CUX1: variants seen among roughly 807,000 people sequenced by gnomAD.
CUX1 encodes protein CASP.
CUX1 carries 31 observed loss-of-function variants against 158.8 expected under a neutral mutation model. The observed-to-expected ratio is 0.20, with a 90% CI of 0.15 to 0.26. The LOEUF (loss-of-function observed/expected upper bound fraction) is 0.26, where lower values mean the gene tolerates loss of function less well. Among genes scored for constraint, CUX1 ranks in the 10% least tolerant of loss-of-function variants. The pLI is 1.00. For synonymous variants in CUX1, 879 were observed against 862.1 expected (o/e 1.02, Z -0.34); for missense variants, 1,589 against 2,014.6 (o/e 0.79, Z 4.04).
chr7:101,922,772 G>A (rs1805103836), intron 2 of CUX1, among the ~76,000 whole-genome samples: 1 of 152,202 alleles, frequency 6.6e-6, no homozygotes, highest in South Asian at 2.1e-4. Flanking sequence ...GCTGGGGAGT[G>A]GGAGATGGGT....
chr7:102,232,481 C>T (rs1031478331), intron 21 of CUX1, among the ~76,000 whole-genome samples: 3 of 152,278 alleles, frequency 2.0e-5, no homozygotes, highest in Non-Finnish European at 2.9e-5. Flanking sequence ...AGCCCTCTGT[C>T]GTCTCCCTGC....
At chr7:101,970,364 G>T (rs1349375835) in intron 2 of CUX1, among the ~76,000 whole-genome samples, 1 of 151,964 alleles carries the variant, frequency 6.6e-6, no homozygotes, top group Non-Finnish European at 1.5e-5. Context: ...CTTGGCCCGG[G>T]GGTGCGTTGG....
At chr7:102,119,948 G>T (rs1831860481) in intron 8 of CUX1, among the ~76,000 whole-genome samples, 2 of 152,252 alleles carry the variant, frequency 1.3e-5, no homozygotes, top group South Asian at 4.1e-4. Flanking sequence ...CACCCTAATA[G>T]CCTTAACCTT....
intron 2 of CUX1, among the ~76,000 whole-genome samples, chr7:101,936,396 A>G (rs1806937937): frequency 6.6e-6 from 1 of 152,148 alleles, no homozygotes; most frequent in Admixed American, 6.5e-5. Context: ...CGTCATTTCC[A>G]GAGCGAGATG....
rs1205477430 is a variant in CUX1, at chr7:102,252,923, G to A, written c.*3881G>A. The A allele has an allele frequency of 3.0e-6, 3 of 985,470 alleles. No individual in the cohort carries two copies. The highest frequency in any genetic ancestry group is 3.6e-6 in the Non-Finnish European group (3 of 829,940). 61.0% of individuals were successfully genotyped at this position (985,470 alleles called of 1,614,324 possible). On this transcript the variant is annotated 3_prime_UTR_variant, in exon 24 of 24. Coordinates refer to ENST00000292535, the MANE Select transcript of CUX1 (RefSeq NM_181552.4). ...AGCTTCTAAGCGTCTCCTGGGACAG[G>A]ATTGGGGTGACAGCCCAGGGATGCA...
intron 2 of CUX1, among the ~76,000 whole-genome samples, chr7:101,996,964 A>G (rs1815991392): frequency 7.1e-6 from 1 of 141,454 alleles, no homozygotes; most frequent in Non-Finnish European, 1.5e-5. Flanking sequence ...CCTTCTGGGA[A>G]TCGCTCCCCT....
At chr7:102,162,180 G>A (rs1212350296) in intron 9 of CUX1, among the ~76,000 whole-genome samples, 2 of 152,154 alleles carry the variant, frequency 1.3e-5, no homozygotes, top group Admixed American at 6.5e-5. Context: ...TAGTTCTCAA[G>A]AGCCGACCAG....
intron 6 of CUX1, among the ~76,000 whole-genome samples, chr7:102,109,212 A>C (rs1402578218): frequency 2.6e-5 from 4 of 152,202 alleles, no homozygotes; most frequent in Non-Finnish European, 5.9e-5. Flanking sequence ...CAACAAACTG[A>C]AGAAATATTT....
intron 2 of CUX1, among the ~76,000 whole-genome samples, chr7:101,967,364 T>C (rs1811360573): frequency 6.6e-6 from 1 of 152,206 alleles, no homozygotes; most frequent in Admixed American, 6.5e-5. Flanking sequence ...AGTGTCTTTT[T>C]CAAAGACTAA....
At chr7:102,018,599 C>A (rs1227525537) in intron 2 of CUX1, among the ~76,000 whole-genome samples, 1 of 152,234 alleles carries the variant, frequency 6.6e-6, no homozygotes, top group East Asian at 1.9e-4. Flanking sequence ...CCTGAGGCCA[C>A]ACACAGGATC....
intron 2 of CUX1, among the ~76,000 whole-genome samples, chr7:101,959,086 C>G (rs1810132578): frequency 6.6e-6 from 1 of 151,898 alleles, no homozygotes; most frequent in African/African-American, 2.4e-5. Context: ...TCTCAAATTC[C>G]TGGGCTTAAG....
intron 1 of CUX1, among the ~76,000 whole-genome samples, chr7:101,888,172 A>G (rs938614538): frequency 1.3e-5 from 2 of 152,008 alleles, no homozygotes; most frequent in African/African-American, 4.8e-5. Flanking sequence ...CGTCTCTACT[A>G]AAAATACAAA....
intron 1 of CUX1, among the ~76,000 whole-genome samples, chr7:101,834,286 G>A (rs186802119): frequency 2.0e-3 from 272 of 136,256 alleles, no homozygotes; most frequent in African/African-American, 7.0e-3. Flanking sequence ...CGATTCTCCC[G>A]CCTCAGCCTC....
chr7:102,178,424 G>T, intron 10 of CUX1, 45 bp from the exon 11 acceptor site: 1 of 1,532,670 alleles, frequency 6.5e-7, no homozygotes, highest in Non-Finnish European at 8.9e-7. Flanking sequence ...TCGAGCACCC[G>T]CCTCAAGGCC....
chr7:101,876,290 A>G (rs1278355600), intron 1 of CUX1, among the ~76,000 whole-genome samples: 2 of 150,152 alleles, frequency 1.3e-5, no homozygotes, highest in Non-Finnish European at 3.0e-5. Context: ...GGTTGCAGTG[A>G]GCCGAGATGG....
At chr7:102,054,723 T>C (rs1409748810) in intron 3 of CUX1, among the ~76,000 whole-genome samples, 1 of 152,208 alleles carries the variant, frequency 6.6e-6, no homozygotes, top group Non-Finnish European at 1.5e-5. Flanking sequence ...ATTCTAACAC[T>C]TTGGGAGGCC....
At chr7:101,990,150 G>A (rs1814911690) in intron 2 of CUX1, among the ~76,000 whole-genome samples, 1 of 152,092 alleles carries the variant, frequency 6.6e-6, no homozygotes, top group Non-Finnish European at 1.5e-5. Flanking sequence ...CTTGAACCCG[G>A]GATTTTGAGA....
chr7:101,995,902 CA>C (rs1316256515), intron 2 of CUX1, among the ~76,000 whole-genome samples: 1 of 152,096 alleles, frequency 6.6e-6, no homozygotes, highest in East Asian at 1.9e-4. Flanking sequence ...CACCTGAGGT[CA>C]GGGGTCCAAG....
chr7:102,283,018 C>A, intron 22 of CUX1: 1 of 1,613,064 alleles, frequency 6.2e-7, no homozygotes, highest in Non-Finnish European at 8.5e-7. Context: ...CCGTGTCCCC[C>A]AGGTTCGCTG....
Sources: gnomAD v4.1 joint callset for allele counts (sites outside exome capture counted in the v4.1 genomes callset) on GRCh38, gnomAD v4.1.1 for gene constraint, MANE v1.5 for transcripts, NCBI Gene and HGNC (gene_info 2026-07-23, HGNC 2026-07-21) for gene names.